Variants in ERC2 observed in about 807,000 individuals in gnomAD.
ERC2 encodes the protein ELKS/RAB6-interacting/CAST family member 2.
ERC2 carries 42 observed loss-of-function variants against 114.8 expected under a neutral mutation model. That is an observed-to-expected ratio of 0.37 (90% confidence interval 0.29 to 0.47). ERC2 has a LOEUF of 0.47. ERC2 is among the 20% of genes least tolerant of loss of function. The probability of loss-of-function intolerance (pLI) is 0.99; values close to 1 mark genes in which losing one functional copy is unlikely to be tolerated. For missense variants in ERC2, 939 were observed against 1,150.7 expected, an observed-to-expected ratio of 0.82 and a Z score of 2.66; for synonymous variants, 454 against 425.5, an observed-to-expected ratio of 1.07 and a Z score of -0.82.
At chr3:56,198,780 T>A (rs1002562825) in intron 3 of ERC2, among the ~76,000 whole-genome samples, 1 of 150,430 alleles carries the variant, frequency 6.6e-6, no homozygotes, top group Non-Finnish European at 1.5e-5. Flanking sequence ...AGACTCAGGT[T>A]GAGAATTATT....
intron 2 of ERC2, among the ~76,000 whole-genome samples, chr3:56,388,192 A>G (rs1158380427): frequency 5.3e-5 from 8 of 152,150 alleles, no homozygotes; most frequent in Non-Finnish European, 1.5e-5. Flanking sequence ...TCACATCAAA[A>G]TGTATTCCTC....
At chr3:55,832,174 G>T (rs1163439104) in intron 14 of ERC2, among the ~76,000 whole-genome samples, 1 of 152,250 alleles carries the variant, frequency 6.6e-6, no homozygotes, top group Non-Finnish European at 1.5e-5. Flanking sequence ...AACTCTGGGG[G>T]CAGGGCACGG....
rs565159293 is a variant in ERC2 at position 55,779,204 on chromosome 3, A to T, written c.2565-44286T>A. 3.3e-5 allele frequency among the ~76,000 whole-genome samples: 5 copies of T among 152,068 alleles called. No homozygotes were observed. In the East Asian group the frequency reaches 9.7e-4, roughly 29 times the overall value. On this transcript the variant is annotated intron_variant, in intron 14 of 17. Coordinates refer to ENST00000288221, the MANE Select transcript of ERC2 (RefSeq NM_015576.3). ...GCTTAAAAAGTTCTGGAAATAGGCC[A>T]GGTGCGGTGGCTCACGCCTGTAATC...
chr3:55,511,876 TG>T (rs2052092260), intron 17 of ERC2, among the ~76,000 whole-genome samples: 1 of 152,222 alleles, frequency 6.6e-6, no homozygotes, highest in South Asian at 2.1e-4. Context: ...AACTGCATCC[TG>T]GGAAGCAATA....
intron 17 of ERC2, among the ~76,000 whole-genome samples, chr3:55,632,895 A>G (rs2059812673): frequency 6.6e-6 from 1 of 152,330 alleles, no homozygotes; most frequent in Non-Finnish European, 1.5e-5. Flanking sequence ...AAGGGTCCCA[A>G]ATTAGTTTCG....
At chr3:55,936,588 A>G (rs543508361) in intron 13 of ERC2, among the ~76,000 whole-genome samples, 1 of 152,346 alleles carries the variant, frequency 6.6e-6, no homozygotes, top group East Asian at 1.9e-4. Flanking sequence ...AACCTACATG[A>G]AATGAAGAAG....
intron 3 of ERC2, among the ~76,000 whole-genome samples, chr3:56,277,771 A>T (rs917486201): frequency 2.0e-5 from 3 of 151,956 alleles, no homozygotes; most frequent in African/African-American, 7.3e-5. Flanking sequence ...AAAAATTAGT[A>T]TAAACATCTA....
chr3:55,573,154 A>G (rs2056808136), intron 17 of ERC2, among the ~76,000 whole-genome samples: 1 of 152,258 alleles, frequency 6.6e-6, no homozygotes. Flanking sequence ...ATGACAGGAC[A>G]TAACACAGAA....
intron 7 of ERC2, among the ~76,000 whole-genome samples, chr3:56,040,512 A>T (rs1214545319): frequency 1.3e-5 from 1 of 77,824 alleles, no homozygotes; most frequent in Admixed American, 1.5e-4. Flanking sequence ...CCTTATAGCT[A>T]TTCTCTAAGG....
intron 15 of ERC2, among the ~76,000 whole-genome samples, chr3:55,713,933 G>C (rs1044607740): frequency 9.9e-5 from 15 of 152,170 alleles, no homozygotes; most frequent in African/African-American, 3.6e-4. Context: ...CCCTTGACTT[G>C]TCTTTCTATC....
At chr3:55,742,661 T>C (rs1029559829) in intron 14 of ERC2, among the ~76,000 whole-genome samples, 1 of 152,182 alleles carries the variant, frequency 6.6e-6, no homozygotes, top group Non-Finnish European at 1.5e-5. Context: ...CTATTTTCTT[T>C]CCCTCATGAC....
At chr3:56,145,914 C>T (rs1347644033) in intron 5 of ERC2, among the ~76,000 whole-genome samples, 2 of 152,066 alleles carry the variant, frequency 1.3e-5, no homozygotes, top group East Asian at 3.9e-4. Flanking sequence ...TCTTTCCCTC[C>T]AATCTACATG....
At chr3:55,538,003 A>C (rs986111259) in intron 17 of ERC2, among the ~76,000 whole-genome samples, 1 of 152,084 alleles carries the variant, frequency 6.6e-6, no homozygotes, top group Non-Finnish European at 1.5e-5. Flanking sequence ...TGGGGAGGAG[A>C]TTGTATGATC....
chr3:56,126,842 A>AAAGGAAAGGAAAGG (rs2079900529), intron 6 of ERC2, among the ~76,000 whole-genome samples: 1 of 151,188 alleles, frequency 6.6e-6, no homozygotes, highest in Non-Finnish European at 1.5e-5. Context: ...AAAGGAAAGG[A>AAAGGAAAGGAAAGG]AAGGAAAGGA....
chr3:56,247,123 C>A (rs2051764494), intron 3 of ERC2, among the ~76,000 whole-genome samples: 1 of 152,148 alleles, frequency 6.6e-6, no homozygotes, highest in Non-Finnish European at 1.5e-5. Flanking sequence ...TTCTGCTTTC[C>A]AAAATTTCAA....
chr3:55,790,456 G>C (rs540209033), intron 14 of ERC2, among the ~76,000 whole-genome samples: 2 of 152,320 alleles, frequency 1.3e-5, no homozygotes, highest in South Asian at 4.1e-4. Flanking sequence ...CAATAGCACA[G>C]AACTTGTCAA....
At chr3:55,864,130 T>TATATATATATATACAC (rs1559782745) in intron 14 of ERC2, among the ~76,000 whole-genome samples, 4 of 113,364 alleles carry the variant, frequency 3.5e-5, no homozygotes, top group African/African-American at 1.1e-4. Context: ...CACACACACA[T>TATATATATATATACAC]ATATATATAC....
chr3:55,984,811 T>C (rs113818249), intron 12 of ERC2, among the ~76,000 whole-genome samples: 2,158 of 152,252 alleles, frequency 0.014, 51 homozygotes, highest in African/African-American at 0.049. Context: ...GTGTGGTATG[T>C]GAGAGTGGCA....
chr3:55,801,800 G>A (rs1367070922), intron 14 of ERC2, among the ~76,000 whole-genome samples: 1 of 152,214 alleles, frequency 6.6e-6, no homozygotes, highest in Non-Finnish European at 1.5e-5. Flanking sequence ...ATTAAACCAA[G>A]TACAAGGCTC....
Sources: gnomAD v4.1 joint callset for allele counts (sites outside exome capture counted in the v4.1 genomes callset) on GRCh38, gnomAD v4.1.1 for gene constraint, MANE v1.5 for transcripts, NCBI Gene and HGNC (gene_info 2026-07-23, HGNC 2026-07-21) for gene names.